TMEM154: variants seen among roughly 807,000 people sequenced by gnomAD.
TMEM154 encodes transmembrane protein 154.
Under a neutral mutation model 24.5 loss-of-function variants are expected in TMEM154, and 27 were observed. The observed-to-expected ratio is 1.10, with a 90% CI of 0.81 to 1.52. TMEM154 has a LOEUF of 1.52. Ranked by LOEUF, TMEM154 falls within the 40% of genes most tolerant of loss-of-function variation. TMEM154 has a pLI of 0.00. For synonymous variants in TMEM154, 67 were observed against 76.8 expected, an observed-to-expected ratio of 0.87 and a Z score of 0.67; for missense variants, 228 against 213.4, an observed-to-expected ratio of 1.07 and a Z score of -0.43.
At chr4:152,655,187 G>C (rs1266680610) in intron 1 of TMEM154, among the ~76,000 whole-genome samples, 1 of 152,218 alleles carries the variant, frequency 6.6e-6, no homozygotes, top group African/African-American at 2.4e-5. Context: ...GAATTCAACA[G>C]AGTAGTAATA....
intron 1 of TMEM154, among the ~76,000 whole-genome samples, chr4:152,671,307 G>T (rs963243323): frequency 2.0e-5 from 3 of 152,068 alleles, no homozygotes; most frequent in African/African-American, 7.2e-5. Context: ...AAGGGGATTG[G>T]ACTCTATCTC....
At position 152,679,919 on chromosome 4, in the gene TMEM154, G is replaced by T. The variant is rs1330375316; in HGVS notation, c.15C>A (p.Arg5=). The change falls in exon 1 of 7, where the codon CGC becomes CGA. Residue 5 remains arginine (R), a synonymous_variant. Coordinates refer to ENST00000304385, the MANE Select transcript of TMEM154 (RefSeq NM_152680.3). Reference sequence around the variant, plus strand: ...TCACCAGGGCGAAGACTAGGGCTGCGCGGGGAGCCTGCATGTCCGCTCGCC... The same window carrying T: ...TCACCAGGGCGAAGACTAGGGCTGCTCGGGGAGCCTGCATGTCCGCTCGCC... MQAP[R]AALVFALVIA... is the part of the protein sequence containing the mutation. The T allele has an allele frequency of 6.2e-7, 1 of 1,610,416 alleles. No individual in the cohort carries two copies. Among genetic ancestry groups the T allele is most frequent in the Admixed American group, 1.7e-5 (1 of 59,580 alleles).
At chr4:152,654,162 A>T (rs932798912) in intron 1 of TMEM154, among the ~76,000 whole-genome samples, 5 of 152,246 alleles carry the variant, frequency 3.3e-5, no homozygotes, top group Non-Finnish European at 7.3e-5. Context: ...TCATGGTAAG[A>T]TAAGCTGAAG....
chr4:152,644,760 T>C (rs966138024), intron 3 of TMEM154, among the ~76,000 whole-genome samples: 3 of 152,084 alleles, frequency 2.0e-5, no homozygotes, highest in Admixed American at 2.0e-4. Flanking sequence ...CAAGGGAGGG[T>C]GAAACAAGAG....
At chr4:152,672,726 T>A (rs765144673) in intron 1 of TMEM154, among the ~76,000 whole-genome samples, 52 of 152,314 alleles carry the variant, frequency 3.4e-4, no homozygotes, top group Admixed American at 2.0e-4. Context: ...TATGAAAGTA[T>A]ACCTACTGAA....
At chr4:152,671,508 G>A (rs975990371) in intron 1 of TMEM154, among the ~76,000 whole-genome samples, 7 of 152,014 alleles carry the variant, frequency 4.6e-5, no homozygotes, top group Non-Finnish European at 8.8e-5. Flanking sequence ...AGCACTTTGG[G>A]AGGCCGAGGC....
chr4:152,643,256 C>A, intron 4 of TMEM154, 83 bp from the exon 5 acceptor site: 2 of 1,076,368 alleles, frequency 1.9e-6, no homozygotes, highest in Non-Finnish European at 2.8e-6. Context: ...GAATGCTGAT[C>A]CTGAGGAAGA....
chr4:152,643,510 G>C (rs958799557), intron 4 of TMEM154, among the ~76,000 whole-genome samples: 1 of 152,216 alleles, frequency 6.6e-6, no homozygotes, highest in Non-Finnish European at 1.5e-5. Context: ...CCGGGGAGTT[G>C]CCATATGAAG....
intron 4 of TMEM154, among the ~76,000 whole-genome samples, chr4:152,643,403 C>A (rs996473660): frequency 6.6e-6 from 1 of 152,216 alleles, no homozygotes; most frequent in Non-Finnish European, 1.5e-5. Context: ...GGGGTGCCCA[C>A]AGGCCCAACA....
At chr4:152,670,901 C>A (rs1315607268) in intron 1 of TMEM154, among the ~76,000 whole-genome samples, 1 of 152,162 alleles carries the variant, frequency 6.6e-6, no homozygotes, top group African/African-American at 2.4e-5. Context: ...ATGAGACCAG[C>A]TTCTGCCTCC....
chr4:152,619,817 CCGTGTGG>C lies in TMEM154; in HGVS notation c.*8722_*8728del, dbSNP rs1479841759. ...ATCCAGTTGAACTGCCCAGCCAATGCCGTGTGGGAGAGAGTTGAACCATTTGCACTGA... is the reference window on the plus strand; with the variant it reads ...ATCCAGTTGAACTGCCCAGCCAATGCGAGAGAGTTGAACCATTTGCACTGA... On this transcript the variant is annotated 3_prime_UTR_variant, in exon 7 of 7. Coordinates refer to ENST00000304385, the MANE Select transcript of TMEM154 (RefSeq NM_152680.3). 6.6e-6 allele frequency: 1 copy of C among 152,198 alleles called. No individual in the cohort carries two copies. The highest frequency in any genetic ancestry group is 1.5e-5 in the Non-Finnish European group (1 of 68,040). The allele number at this position is 152,198 out of a possible 1,614,324, so 9.4% of individuals were successfully genotyped here.
intron 1 of TMEM154, among the ~76,000 whole-genome samples, chr4:152,662,340 C>CAG (rs1728628882): frequency 6.6e-6 from 1 of 151,964 alleles, no homozygotes; most frequent in South Asian, 2.1e-4. Flanking sequence ...ACCAGGTGTG[C>CAG]AGGGAGTCTG....
intron 6 of TMEM154, among the ~76,000 whole-genome samples, chr4:152,631,792 C>CTT (rs1752047652): frequency 3.0e-5 from 4 of 131,462 alleles, no homozygotes; most frequent in African/African-American, 1.1e-4. Context: ...AATCTATCCC[C>CTT]CTTTTTTTTT....
rs1479296646 is a variant in TMEM154, at chr4:152,622,018, A to G, written c.*6528T>C. On this transcript the variant is annotated 3_prime_UTR_variant, in exon 7 of 7. Coordinates refer to ENST00000304385, the MANE Select transcript of TMEM154 (RefSeq NM_152680.3). ...TTTTTAGTAGAGACAGGGTTTCACCATATTGGTCAGACTGGTCTCGAACTC... is the reference window on the plus strand; with the variant it reads ...TTTTTAGTAGAGACAGGGTTTCACCGTATTGGTCAGACTGGTCTCGAACTC... 6.6e-6 allele frequency: 1 copy of G among 152,080 alleles called. No individual in the cohort carries two copies. The highest frequency in any genetic ancestry group is 1.5e-5 in the Non-Finnish European group (1 of 68,022). The allele number at this position is 152,080 out of a possible 1,614,324, so 9.4% of individuals were successfully genotyped here. A position where few individuals can be genotyped will look rare whatever the true frequency, so the allele number is the denominator to read the frequency against.
At chr4:152,633,688 A>T (rs190131212) in intron 6 of TMEM154, among the ~76,000 whole-genome samples, 9 of 152,254 alleles carry the variant, frequency 5.9e-5, no homozygotes, top group Non-Finnish European at 1.3e-4. Flanking sequence ...ATGTGGGCCA[A>T]GTGTGGTGGC....
intron 1 of TMEM154, among the ~76,000 whole-genome samples, chr4:152,660,591 T>C (rs575069518): frequency 2.7e-4 from 41 of 152,258 alleles, no homozygotes; most frequent in Non-Finnish European, 5.1e-4. Flanking sequence ...AGAGCTCACA[T>C]GGAGGAGTGA....
chr4:152,632,562 T>C (rs1405683950), intron 6 of TMEM154, among the ~76,000 whole-genome samples: 3 of 152,264 alleles, frequency 2.0e-5, no homozygotes, highest in African/African-American at 2.4e-5. Flanking sequence ...CATTTTTACA[T>C]GGTTGAGTCT....
intron 1 of TMEM154, among the ~76,000 whole-genome samples, chr4:152,653,335 T>C (rs13149145): frequency 0.43 from 65,889 of 151,658 alleles, 14,516 homozygotes; most frequent in Admixed American, 0.52. Context: ...TTTACTAAAA[T>C]TAAGTACATG....
rs1751825569 is a variant in TMEM154, at chr4:152,620,388, C to T, written c.*8158G>A. On this transcript the variant is annotated 3_prime_UTR_variant, in exon 7 of 7. Coordinates refer to ENST00000304385, the MANE Select transcript of TMEM154 (RefSeq NM_152680.3). ...TTCTCAGCATGATAGACCATTACTT[C>T]TGGGCCTAGGGTCCTGCCTTCACTG... 1 of 152,280 alleles carries T rather than the reference C, an allele frequency of 6.6e-6. No homozygotes were observed. The highest frequency in any genetic ancestry group is 2.4e-5 in the African/African-American group (1 of 41,440). The allele number at this position is 152,280 out of a possible 1,614,324, so 9.4% of individuals were successfully genotyped here.
Sources: allele counts gnomAD v4.1 joint callset (sites outside exome capture counted in the v4.1 genomes callset), GRCh38; gene constraint gnomAD v4.1.1; transcripts MANE v1.5; gene names NCBI Gene and HGNC (gene_info 2026-07-23, HGNC 2026-07-21).